Variants in PCDH15 observed in about 807,000 individuals in gnomAD.
The protein encoded by PCDH15 is protocadherin-15.
A neutral mutation model predicts 178.5 loss-of-function variants in PCDH15; 129 were observed. The observed-to-expected ratio is 0.72, with a 90% CI of 0.63 to 0.84. The LOEUF is 0.84. Ranked by LOEUF, PCDH15 falls within the 40% of genes least tolerant of loss-of-function variation. The probability of loss-of-function intolerance (pLI) is 0.00; values close to 1 mark genes in which losing one functional copy is unlikely to be tolerated. For missense variants in PCDH15, 2,230 were observed against 2,099.9 expected, an observed-to-expected ratio of 1.06 and a Z score of -1.21; for synonymous variants, 800 against 732.0, an observed-to-expected ratio of 1.09 and a Z score of -1.50.
At chr10:53,895,483 A>G (rs1194960389) in intron 26 of PCDH15, among the ~76,000 whole-genome samples, 1 of 152,212 alleles carries the variant, frequency 6.6e-6, no homozygotes. Flanking sequence ...TTTAACTTTC[A>G]GTAGAGATCA....
intron 2 of PCDH15, among the ~76,000 whole-genome samples, chr10:54,566,154 G>C (rs1005259715): frequency 6.6e-6 from 1 of 151,992 alleles, no homozygotes; most frequent in Non-Finnish European, 1.5e-5. Context: ...TTCAATTTGT[G>C]GTATAATTTT....
chr10:54,625,505 G>T (rs2093518570), intron 2 of PCDH15, among the ~76,000 whole-genome samples: 1 of 152,104 alleles, frequency 6.6e-6, no homozygotes. Flanking sequence ...CTGTTCTCAT[G>T]ATGGTGAATG....
intron 18 of PCDH15, among the ~76,000 whole-genome samples, chr10:54,061,477 G>A (rs978241283): frequency 6.6e-6 from 1 of 151,864 alleles, no homozygotes; most frequent in Non-Finnish European, 1.5e-5. Context: ...TGCTTCTTCA[G>A]CTGGATTATA....
intron 2 of PCDH15, among the ~76,000 whole-genome samples, chr10:55,598,036 G>A (rs1425890528): frequency 6.6e-6 from 1 of 152,036 alleles, no homozygotes; most frequent in Non-Finnish European, 1.5e-5. Flanking sequence ...CACTTTGCTC[G>A]ACCACACCCC....
chr10:54,107,111 T>G, intron 15 of PCDH15, among the ~76,000 whole-genome samples: 1 of 152,330 alleles, frequency 6.6e-6, no homozygotes, highest in Non-Finnish European at 1.5e-5. Flanking sequence ...CACGTATTAA[T>G]ATTTTATTAA....
rs1010267219 is a variant in PCDH15, at chr10:54,813,975, C to T, written c.-29+83475G>A. ...TAATTAATAAAGCATGTCACAATCA[C>T]TCCAGACTTATGTCCTGTTCATATG... On this transcript the variant is annotated intron_variant, in intron 3 of 5. Transcript: ENST00000458638. Among the ~76,000 whole-genome samples, 4 of 152,110 alleles carry T rather than the reference C, an allele frequency of 2.6e-5. No homozygotes were observed. The East Asian group carries it at 7.7e-4, about 29-fold the overall frequency.
At chr10:55,410,131 TCTCC>T (rs1325016425) in intron 2 of PCDH15, among the ~76,000 whole-genome samples, 16 of 152,258 alleles carry the variant, frequency 1.1e-4, no homozygotes, top group Admixed American at 5.9e-4. Flanking sequence ...TTTTTTTAAC[TCTCC>T]CTATTAGGTA....
intron 2 of PCDH15, among the ~76,000 whole-genome samples, chr10:55,623,642 C>T (rs1029897407): frequency 1.5e-4 from 22 of 151,220 alleles, no homozygotes; most frequent in South Asian, 2.1e-4. Context: ...ATTATATATA[C>T]ATATTCTATA....
chr10:54,044,416 C>A (rs1389474118), intron 18 of PCDH15, among the ~76,000 whole-genome samples: 1 of 152,104 alleles, frequency 6.6e-6, no homozygotes, highest in African/African-American at 2.4e-5. Flanking sequence ...CTAGGTAGCA[C>A]TCCCAATTCT....
intron 2 of PCDH15, among the ~76,000 whole-genome samples, chr10:55,119,534 TGGAAAAGGCAGGGTATTGC>T (rs1837713853): frequency 7.6e-6 from 1 of 131,938 alleles, no homozygotes; most frequent in African/African-American, 4.3e-5. Flanking sequence ...TAATTGCACC[TGGAAAAGGCAGGGTATTGC>T]ATATTCCATA....
intron 2 of PCDH15, among the ~76,000 whole-genome samples, chr10:54,932,486 T>A (rs1376709730): frequency 6.6e-6 from 1 of 152,234 alleles, no homozygotes; most frequent in African/African-American, 2.4e-5. Context: ...GAAAAAGTTA[T>A]AATATGCTAA....
intron 2 of PCDH15, among the ~76,000 whole-genome samples, chr10:55,580,116 C>G (rs1243576868): frequency 6.6e-6 from 1 of 152,176 alleles, no homozygotes; most frequent in East Asian, 1.9e-4. Context: ...CTCGGCCTCC[C>G]AAAGTGCTGG....
chr10:54,963,892 C>G (rs1838717029), intron 2 of PCDH15, among the ~76,000 whole-genome samples: 1 of 152,176 alleles, frequency 6.6e-6, no homozygotes, highest in Non-Finnish European at 1.5e-5. Context: ...GGGAAGAAAT[C>G]TTTACTTGGA....
At chr10:54,655,530 T>A (rs1173733444) in intron 2 of PCDH15, 1 of 151,942 alleles carries the variant, frequency 6.6e-6, no homozygotes, top group Non-Finnish European at 1.5e-5. Context: ...TATCAGTACC[T>A]TTTTTCTTCT....
chr10:54,688,493 A>G (rs1690191940), intron 1 of PCDH15, among the ~76,000 whole-genome samples: 1 of 152,108 alleles, frequency 6.6e-6, no homozygotes, highest in Non-Finnish European at 1.5e-5. Flanking sequence ...AAATTTCCGA[A>G]TCCAAAGTTT....
chr10:54,809,018 G>A (rs1001288396), intron 3 of PCDH15, among the ~76,000 whole-genome samples: 2 of 151,570 alleles, frequency 1.3e-5, no homozygotes, highest in African/African-American at 4.8e-5. Flanking sequence ...AGTATTTTTC[G>A]TCCTGATCTT....
At chr10:54,510,335 G>A (rs1300352436) in intron 3 of PCDH15, among the ~76,000 whole-genome samples, 1 of 152,162 alleles carries the variant, frequency 6.6e-6, no homozygotes, top group Non-Finnish European at 1.5e-5. Flanking sequence ...AAAGTTAATA[G>A]TTTGGCTGAC....
chr10:54,490,379 G>A (rs1324512315), intron 3 of PCDH15, among the ~76,000 whole-genome samples: 1 of 152,034 alleles, frequency 6.6e-6, no homozygotes, highest in Non-Finnish European at 1.5e-5. Flanking sequence ...GAACCCGGGA[G>A]GCAGAGCTTG....
At chr10:54,117,629 G>A (rs968301068) in intron 15 of PCDH15, among the ~76,000 whole-genome samples, 24 of 152,128 alleles carry the variant, frequency 1.6e-4, no homozygotes, top group African/African-American at 5.6e-4. Flanking sequence ...GCAGAGAGGA[G>A]TTTCACTGAG....
Sources: gnomAD v4.1 joint callset for allele counts (sites outside exome capture counted in the v4.1 genomes callset) on GRCh38, gnomAD v4.1.1 for gene constraint, MANE v1.5 for transcripts, NCBI Gene and HGNC (gene_info 2026-07-23, HGNC 2026-07-21) for gene names.